CENPK: variants seen among roughly 807,000 people sequenced by gnomAD.
The protein encoded by CENPK is SoxLZ/Sox6-binding protein Solt.
A neutral mutation model predicts 40.9 loss-of-function variants in CENPK; 46 were observed. The ratio of observed to expected loss-of-function variants is 1.13; its 90% CI spans 0.89 to 1.44. The LOEUF (loss-of-function observed/expected upper bound fraction) is 1.44. Ranked by LOEUF, CENPK falls within the 40% of genes most tolerant of loss-of-function variation. The pLI is 0.00. For missense variants in CENPK, 288 were observed against 303.5 expected, an observed-to-expected ratio of 0.95 and a Z score of 0.38; for synonymous variants, 107 against 104.4, an observed-to-expected ratio of 1.02 and a Z score of -0.15.
At chr5:65,561,439 A>C (rs549663779) in intron 2 of CENPK, 24 bp downstream of exon 2, 1 of 436,702 alleles carries the variant, frequency 2.3e-6, no homozygotes, top group Non-Finnish European at 4.6e-6. Context: ...AACATATAGA[A>C]ACATTTAAGA....
Position 65,518,352 on chromosome 5 carries a change from A to C in CENPK, c.*123T>G. On this transcript the variant is annotated 3_prime_UTR_variant, in exon 11 of 11. Coordinates refer to ENST00000396679, the MANE Select transcript of CENPK (RefSeq NM_022145.5). ...TAGATGGCAGCACATGCCATTTTGC[A>C]ATAAAAGTAAGATGGCCTATGCGCA... 3 of 902,212 alleles carry C rather than the reference A, an allele frequency of 3.3e-6. No individual in the cohort carries two copies. The highest frequency in any genetic ancestry group is 3.4e-6 in the Non-Finnish European group (2 of 594,904). The allele number at this position is 902,212 out of a possible 1,614,324, so 55.9% of individuals were successfully genotyped here.
chr5:65,521,785 G>C (rs1238437679), intron 9 of CENPK, among the ~76,000 whole-genome samples: 1 of 152,094 alleles, frequency 6.6e-6, no homozygotes, highest in African/African-American at 2.4e-5. Flanking sequence ...ATTTTTAGTA[G>C]ATATGAGGTT....
chr5:65,534,980 G>C (rs1746609878), intron 6 of CENPK, among the ~76,000 whole-genome samples: 1 of 152,166 alleles, frequency 6.6e-6, no homozygotes, highest in African/African-American at 2.4e-5. Flanking sequence ...CACTTTGGGA[G>C]GCTGAAGCAG....
At chr5:65,560,010 TTA>T (rs1394898277) in intron 2 of CENPK, among the ~76,000 whole-genome samples, 10 of 151,996 alleles carry the variant, frequency 6.6e-5, no homozygotes, top group Non-Finnish European at 1.3e-4. Flanking sequence ...ACCTGAATCT[TTA>T]TGTCATTCCT....
the CENPK span, among the ~76,000 whole-genome samples, chr5:65,510,846 T>C: frequency 6.6e-6 from 1 of 151,870 alleles, no homozygotes; most frequent in African/African-American, 2.4e-5. Flanking sequence ...TGGGTTATCA[T>C]GGGAATGGGA....
At chr5:65,497,924 T>C in the CENPK span, among the ~76,000 whole-genome samples, 1 of 152,072 alleles carries the variant, frequency 6.6e-6, no homozygotes, top group Non-Finnish European at 1.5e-5. Context: ...CAAAAGTCTA[T>C]TTAAGTTAGA....
chr5:65,516,584 C>A (rs902115556), downstream of CENPK, among the ~76,000 whole-genome samples: 7 of 152,008 alleles, frequency 4.6e-5, no homozygotes, highest in Admixed American at 3.9e-4. Flanking sequence ...ATAGTGGTTA[C>A]CCCAAGGCAG....
At chr5:65,557,713 T>A (rs1294379903) in intron 2 of CENPK, among the ~76,000 whole-genome samples, 1 of 152,206 alleles carries the variant, frequency 6.6e-6, no homozygotes, top group Non-Finnish European at 1.5e-5. Context: ...TTGTCTGAAT[T>A]TCTAATGCAC....
downstream of CENPK, among the ~76,000 whole-genome samples, chr5:65,513,154 C>T (rs1469951167): frequency 6.6e-6 from 1 of 152,068 alleles, no homozygotes; most frequent in African/African-American, 2.4e-5. Context: ...CTTCACAGAG[C>T]GGTTTTTAAT....
intron 5 of CENPK, among the ~76,000 whole-genome samples, chr5:65,546,259 G>A (rs1017958008): frequency 3.9e-5 from 6 of 152,116 alleles, no homozygotes; most frequent in Non-Finnish European, 5.9e-5. Flanking sequence ...ACCAGCCCTG[G>A]CCTCCCAAAG....
chr5:65,529,083 T>C (rs976731015), intron 7 of CENPK, 34 bp downstream of exon 7: 4 of 1,539,420 alleles, frequency 2.6e-6, no homozygotes, highest in African/African-American at 2.7e-5. Context: ...TTAATATATA[T>C]GAATGATTAA....
At chr5:65,540,917 C>T (rs1432875213) in intron 6 of CENPK, among the ~76,000 whole-genome samples, 1 of 151,880 alleles carries the variant, frequency 6.6e-6, no homozygotes, top group African/African-American at 2.4e-5. Flanking sequence ...AAGCAATCCT[C>T]CCACCTCAGC....
At chr5:65,542,031 G>A (rs575682921) in intron 6 of CENPK, among the ~76,000 whole-genome samples, 1 of 152,178 alleles carries the variant, frequency 6.6e-6, no homozygotes, top group African/African-American at 2.4e-5. Flanking sequence ...TGGAAGGGGA[G>A]GACACTGGTC....
At chr5:65,516,785 A>G (rs1260063036), downstream of CENPK, among the ~76,000 whole-genome samples, 1 of 152,160 alleles carries the variant, frequency 6.6e-6, no homozygotes, top group Non-Finnish European at 1.5e-5. Context: ...AAAATAAGCT[A>G]TTAGCAACTT....
chr5:65,534,861 A>G (rs1196857462), intron 6 of CENPK, among the ~76,000 whole-genome samples: 1 of 152,246 alleles, frequency 6.6e-6, no homozygotes. Context: ...AGACCTTAAT[A>G]GAAAACTTGA....
At chr5:65,541,974 G>A (rs1748059751) in intron 6 of CENPK, among the ~76,000 whole-genome samples, 2 of 152,126 alleles carry the variant, frequency 1.3e-5, no homozygotes, top group Non-Finnish European at 2.9e-5. Flanking sequence ...GTCTACTGAG[G>A]GCTCACCTCT....
chr5:65,536,555 C>A (rs764568073), intron 6 of CENPK, among the ~76,000 whole-genome samples: 43 of 151,990 alleles, frequency 2.8e-4, no homozygotes, highest in Non-Finnish European at 5.6e-4. Flanking sequence ...TTGACCCCAG[C>A]AGTTTGAGAT....
chr5:65,561,000 G>A (rs921347844), intron 2 of CENPK: 1 of 152,168 alleles, frequency 6.6e-6, no homozygotes, highest in African/African-American at 2.4e-5. Context: ...ACTTGGGCAA[G>A]TCACTTAAAC....
chr5:65,531,604 A>G (rs142130178), intron 6 of CENPK, among the ~76,000 whole-genome samples: 1,574 of 152,088 alleles, frequency 0.01, 32 homozygotes, highest in African/African-American at 0.036. Flanking sequence ...CCCGGGTTCA[A>G]GTGATTCTCC....
Sources: allele counts gnomAD v4.1 joint callset (sites outside exome capture counted in the v4.1 genomes callset), GRCh38; gene constraint gnomAD v4.1.1; transcripts MANE v1.5; gene names NCBI Gene and HGNC (gene_info 2026-07-23, HGNC 2026-07-21).